Variants in SGCD observed in about 807,000 individuals in gnomAD.
SGCD encodes the protein delta-sarcoglycan.
SGCD carries 18 observed loss-of-function variants against 36.6 expected under a neutral mutation model. The observed-to-expected ratio is 0.49, with a 90% CI of 0.34 to 0.73. The LOEUF (loss-of-function observed/expected upper bound fraction) is 0.73, where lower values mean the gene tolerates loss of function less well. Ranked by LOEUF, SGCD falls within the 30% of genes least tolerant of loss-of-function variation. SGCD has a pLI of 0.01. For synonymous variants in SGCD, 133 were observed against 130.6 expected, an observed-to-expected ratio of 1.02 and a Z score of -0.12; for missense variants, 387 against 346.7, an observed-to-expected ratio of 1.12 and a Z score of -0.92.
chr5:156,631,434 T>C (rs1388158799), intron 6 of SGCD, among the ~76,000 whole-genome samples: 1 of 150,356 alleles, frequency 6.7e-6, no homozygotes, highest in East Asian at 1.9e-4. Flanking sequence ...GCTAAAAAGC[T>C]CTGCAGATAC....
intron 3 of SGCD, among the ~76,000 whole-genome samples, chr5:156,269,572 A>G (rs899629078): frequency 3.4e-5 from 5 of 147,096 alleles, no homozygotes; most frequent in South Asian, 2.2e-4. Flanking sequence ...GCTGGCCCCT[A>G]TGATTCAACT....
the SGCD span, among the ~76,000 whole-genome samples, chr5:155,838,815 TG>T: frequency 3.6e-4 from 54 of 151,628 alleles, no homozygotes; most frequent in Admixed American, 9.8e-4. Flanking sequence ...CTTATTTTTT[TG>T]GGGGGGAATA....
At chr5:156,475,501 A>G (rs1271541191) in intron 3 of SGCD, among the ~76,000 whole-genome samples, 1 of 152,232 alleles carries the variant, frequency 6.6e-6, no homozygotes, top group African/African-American at 2.4e-5. Context: ...TCTTATTTAG[A>G]AATCTTTGCT....
chr5:156,243,003 G>A (rs1033806553), intron 3 of SGCD, among the ~76,000 whole-genome samples: 40 of 152,218 alleles, frequency 2.6e-4, no homozygotes, highest in Non-Finnish European at 4.6e-4. Context: ...GATGATGGGA[G>A]GTTGAAGGGG....
chr5:156,009,898 C>T (rs560039105), intron 1 of SGCD, among the ~76,000 whole-genome samples: 40 of 152,286 alleles, frequency 2.6e-4, no homozygotes, highest in African/African-American at 9.1e-4. Context: ...TCTAAATAGA[C>T]ATTTTTAAAA....
intron 3 of SGCD, among the ~76,000 whole-genome samples, chr5:156,252,340 G>A (rs764023308): frequency 6.6e-5 from 10 of 152,084 alleles, no homozygotes; most frequent in Non-Finnish European, 1.5e-4. Flanking sequence ...GCCTCCCAAC[G>A]TGCTGAGATT....
At chr5:156,679,847 C>T (rs1029343911) in intron 7 of SGCD, among the ~76,000 whole-genome samples, 2 of 152,162 alleles carry the variant, frequency 1.3e-5, no homozygotes, top group Non-Finnish European at 1.5e-5. Context: ...ATATGTATCA[C>T]TTTAGTTATC....
At chr5:156,083,373 C>T (rs1284137283) in intron 1 of SGCD, among the ~76,000 whole-genome samples, 1 of 151,528 alleles carries the variant, frequency 6.6e-6, no homozygotes, top group Non-Finnish European at 1.5e-5. Context: ...CGGCTCACTG[C>T]AGCCTCCGCC....
intron 3 of SGCD, among the ~76,000 whole-genome samples, chr5:156,434,987 A>G (rs1310509456): frequency 6.6e-6 from 1 of 152,202 alleles, no homozygotes; most frequent in African/African-American, 2.4e-5. Flanking sequence ...GTCTAGTTAC[A>G]CTTAAGCGTG....
intron 1 of SGCD, among the ~76,000 whole-genome samples, chr5:156,075,736 G>T (rs182804066): frequency 3.3e-5 from 5 of 152,178 alleles, no homozygotes; most frequent in African/African-American, 1.2e-4. Context: ...TGGTGATGAT[G>T]TTAAGAACAA....
chr5:155,990,804 A>G (rs2127564657), intron 1 of SGCD, among the ~76,000 whole-genome samples: 1 of 152,330 alleles, frequency 6.6e-6, no homozygotes, highest in East Asian at 1.9e-4. Context: ...TTCATATGGG[A>G]GAATTGAGAT....
the SGCD span, among the ~76,000 whole-genome samples, chr5:155,814,349 A>C: frequency 1.3e-5 from 2 of 152,182 alleles, no homozygotes; most frequent in Admixed American, 6.5e-5. Flanking sequence ...TTCTCTGAGG[A>C]CACTTTCTTT....
At chr5:155,812,410 G>A in the SGCD span, among the ~76,000 whole-genome samples, 1 of 152,160 alleles carries the variant, frequency 6.6e-6, no homozygotes, top group Admixed American at 6.5e-5. Flanking sequence ...GTCCAACCTG[G>A]CATTGTCTTT....
At chr5:155,969,914 T>G (rs940507301) in intron 1 of SGCD, among the ~76,000 whole-genome samples, 4 of 152,118 alleles carry the variant, frequency 2.6e-5, no homozygotes, top group African/African-American at 9.7e-5. Flanking sequence ...TTGGATAATT[T>G]CTAAAACTCT....
At chr5:156,265,135 C>G (rs1021863947) in intron 3 of SGCD, among the ~76,000 whole-genome samples, 1 of 152,156 alleles carries the variant, frequency 6.6e-6, no homozygotes, top group Non-Finnish European at 1.5e-5. Context: ...AACAATGGCT[C>G]TGCATCAGTC....
intron 3 of SGCD, among the ~76,000 whole-genome samples, chr5:156,250,616 A>C (rs1290657832): frequency 6.6e-6 from 1 of 152,146 alleles, no homozygotes; most frequent in Non-Finnish European, 1.5e-5. Flanking sequence ...AGGTTGAACC[A>C]CTGTTCCTTT....
chr5:156,108,885 A>G (rs1403569343), intron 1 of SGCD, among the ~76,000 whole-genome samples: 3 of 152,308 alleles, frequency 2.0e-5, no homozygotes, highest in South Asian at 4.1e-4. Context: ...TTCCTAATAC[A>G]TAAAGAGTCC....
intron 7 of SGCD, among the ~76,000 whole-genome samples, chr5:156,698,949 A>G (rs752184900): frequency 2.6e-5 from 4 of 152,058 alleles, no homozygotes; most frequent in Non-Finnish European, 4.4e-5. Flanking sequence ...TAAACAAACC[A>G]AAGAGTTCTA....
At chr5:155,801,616 A>T in the SGCD span, among the ~76,000 whole-genome samples, 1 of 152,308 alleles carries the variant, frequency 6.6e-6, no homozygotes, top group African/African-American at 2.4e-5. Flanking sequence ...GGTGAAGGAG[A>T]ACAAATGGTG....
Sources: gnomAD v4.1 joint callset for allele counts (sites outside exome capture counted in the v4.1 genomes callset) on GRCh38, gnomAD v4.1.1 for gene constraint, MANE v1.5 for transcripts, NCBI Gene and HGNC (gene_info 2026-07-23, HGNC 2026-07-21) for gene names.